The following TRIT1 variants were observed in gnomAD, a reference collection of about 807,000 sequenced individuals.
TRIT1 encodes the protein tRNA dimethylallyltransferase.
In TRIT1, 43 loss-of-function variants were observed where a neutral mutation model predicts 51.2. The ratio of observed to expected loss-of-function variants is 0.84; its 90% CI spans 0.66 to 1.08. The LOEUF (loss-of-function observed/expected upper bound fraction) is 1.08, where lower values mean the gene tolerates loss of function less well. TRIT1 is among the 50% of genes least tolerant of loss of function. TRIT1 has a pLI of 0.00. For missense variants in TRIT1, 528 were observed against 578.4 expected (o/e 0.91, Z 0.89); for synonymous variants, 184 against 203.9 (o/e 0.90, Z 0.83).
chr1:39,879,097 G>A (rs1293064325), intron 1 of TRIT1, among the ~76,000 whole-genome samples: 2 of 151,968 alleles, frequency 1.3e-5, no homozygotes, highest in Non-Finnish European at 2.9e-5. Flanking sequence ...GTGAAACCCC[G>A]TCTCTATTAA....
rs1031653518 is a variant in TRIT1 at position 39,854,904 on chromosome 1, C to T, written c.316-836G>A. On this transcript the variant is annotated intron_variant, in intron 2 of 10. Transcript: ENST00000316891. ...TCACCAAGACTGGAGTGTAGTGGCG[C>T]GAAAACAGTTCACTGCAGCCTCAAC... Among the ~76,000 whole-genome samples, 140 of 151,916 alleles carry T rather than the reference C, an allele frequency of 9.2e-4. 1 individual carries two copies. The highest frequency in any genetic ancestry group is 3.1e-3 in the African/African-American group (130 of 41,394).
At chr1:39,852,526 A>G (rs1444351822) in intron 4 of TRIT1, 3 of 626,464 alleles carry the variant, frequency 4.8e-6, no homozygotes, top group Non-Finnish European at 8.4e-6. Flanking sequence ...ATGCATTTAA[A>G]ATGTAACAAA....
At chr1:39,849,147 G>A (rs1159026981) in intron 5 of TRIT1, among the ~76,000 whole-genome samples, 2 of 152,086 alleles carry the variant, frequency 1.3e-5, no homozygotes, top group Non-Finnish European at 2.9e-5. Context: ...TTGAGGACCC[G>A]TCATGTGTCA....
chr1:39,854,523 C>A (rs1642780487), intron 2 of TRIT1, among the ~76,000 whole-genome samples: 1 of 152,156 alleles, frequency 6.6e-6, no homozygotes, highest in Non-Finnish European at 1.5e-5. Flanking sequence ...CATGGAGAGA[C>A]TATCACATTT....
chr1:39,871,913 TG>T (rs747059645), intron 1 of TRIT1, among the ~76,000 whole-genome samples: 30 of 152,050 alleles, frequency 2.0e-4, no homozygotes, highest in African/African-American at 2.4e-4. Flanking sequence ...TTTTTAAAAA[TG>T]TTTTTTTGGG....
chr1:39,850,707 C>T (rs1444378295), intron 4 of TRIT1, among the ~76,000 whole-genome samples: 4 of 152,164 alleles, frequency 2.6e-5, no homozygotes, highest in African/African-American at 9.7e-5. Context: ...GTTTCTTCTA[C>T]ACAAACAGAA....
chr1:39,857,565 C>T, intron 1 of TRIT1, 148 bp from the exon 2 acceptor site: 2 of 793,638 alleles, frequency 2.5e-6, no homozygotes, highest in Non-Finnish European at 3.8e-6. Flanking sequence ...ACAAACAGCA[C>T]AGCCAGATCC....
intron 3 of TRIT1, 147 bp downstream of exon 3, chr1:39,853,823 G>A (rs2124611319): frequency 1.7e-6 from 1 of 605,310 alleles, no homozygotes; most frequent in East Asian, 2.8e-5. Context: ...CACACATGGA[G>A]GTGGCATTTG....
chr1:39,877,019 CAAAAAAAAAAAAAA>C (rs529375001), intron 1 of TRIT1, among the ~76,000 whole-genome samples: 3 of 74,602 alleles, frequency 4.0e-5, no homozygotes, highest in African/African-American at 1.1e-4. Flanking sequence ...AATGGGTCTT[CAAAAAAAAAAAAAA>C]AAAAAAAAAA....
chr1:39,857,157 A>G (rs1291091764), intron 2 of TRIT1, 120 bp downstream of exon 2: 10 of 1,135,620 alleles, frequency 8.8e-6, no homozygotes, highest in African/African-American at 1.6e-5. Context: ...GATGGCATCC[A>G]TCAGTATTTA....
intron 1 of TRIT1, among the ~76,000 whole-genome samples, chr1:39,866,207 C>CT (rs1300968798): frequency 6.6e-6 from 1 of 152,026 alleles, no homozygotes; most frequent in Non-Finnish European, 1.5e-5. Flanking sequence ...GACAGAGTCT[C>CT]TGTCTCCCAG....
intron 1 of TRIT1, chr1:39,862,886 C>T: frequency 1.0e-6 from 1 of 985,450 alleles, no homozygotes; most frequent in Non-Finnish European, 1.2e-6. Context: ...CTTTCAAAGA[C>T]AGCATGCCAC....
chr1:39,856,976 T>C lies in TRIT1; in HGVS notation c.315+301A>G, dbSNP rs1465643487. Among the ~76,000 whole-genome samples the C allele has an allele frequency of 2.0e-5, 3 of 152,226 alleles. No homozygotes were observed. The East Asian group carries it at 5.8e-4, about 29-fold the overall frequency. On this transcript the variant is annotated intron_variant, in intron 2 of 10. Transcript: ENST00000316891. ...AGTGCTTCTCAAATTTTAATGTGTA[T>C]ATAAATCACTGGGGACTCCCGTTAT...
At chr1:39,870,048 T>C (rs1166033755) in intron 1 of TRIT1, among the ~76,000 whole-genome samples, 2 of 152,112 alleles carry the variant, frequency 1.3e-5, no homozygotes, top group Admixed American at 1.3e-4. Context: ...ATGATGACGA[T>C]GGCGGTTTTG....
chr1:39,858,279 C>A (rs1356872977), intron 1 of TRIT1, among the ~76,000 whole-genome samples: 1 of 152,172 alleles, frequency 6.6e-6, no homozygotes, highest in South Asian at 2.1e-4. Context: ...CCTTTACTTA[C>A]ACGGGTGTCA....
intron 4 of TRIT1, 32 bp downstream of exon 4, chr1:39,852,699 G>C: frequency 6.2e-7 from 1 of 1,606,108 alleles, no homozygotes; most frequent in Non-Finnish European, 8.5e-7. Context: ...AGTTGTAAAG[G>C]AATTTGGGGT....
At chr1:39,878,504 T>C (rs139319056) in intron 1 of TRIT1, among the ~76,000 whole-genome samples, 67 of 152,312 alleles carry the variant, frequency 4.4e-4, no homozygotes, top group Admixed American at 1.2e-3. Context: ...CAATTTAACA[T>C]TTAAGATAGT....
intron 1 of TRIT1, among the ~76,000 whole-genome samples, chr1:39,864,116 C>A (rs752298041): frequency 1.3e-5 from 2 of 151,972 alleles, no homozygotes; most frequent in African/African-American, 4.8e-5. Flanking sequence ...GAACTCCTGA[C>A]CTCAGGTGAT....
At chr1:39,876,031 A>G (rs1238114460) in intron 1 of TRIT1, 1 of 152,110 alleles carries the variant, frequency 6.6e-6, no homozygotes, top group Non-Finnish European at 1.5e-5. Context: ...GACTGCCACA[A>G]TGAGGGAGGT....
Sources: gnomAD v4.1 joint callset for allele counts (sites outside exome capture counted in the v4.1 genomes callset) on GRCh38, gnomAD v4.1.1 for gene constraint, MANE v1.5 for transcripts, NCBI Gene and HGNC (gene_info 2026-07-23, HGNC 2026-07-21) for gene names.